Variants in ANK2 observed in about 807,000 individuals in gnomAD.
ANK2 encodes the protein ankyrin 2, also known as ankyrin-2.
ANK2 carries 83 observed loss-of-function variants against 360.5 expected under a neutral mutation model. The observed-to-expected ratio is 0.23, with a 90% CI of 0.19 to 0.28. The LOEUF (loss-of-function observed/expected upper bound fraction) is 0.28. Among genes scored for constraint, ANK2 ranks in the 10% least tolerant of loss-of-function variants. The pLI is 1.00. For missense variants in ANK2, 4,201 were observed against 4,795.7 expected (o/e 0.88, Z 3.66); for synonymous variants, 1,740 against 1,759.5 (o/e 0.99, Z 0.28).
chr4:113,338,950 C>T (rs1336969750), intron 31 of ANK2, among the ~76,000 whole-genome samples: 1 of 152,072 alleles, frequency 6.6e-6, no homozygotes, highest in African/African-American at 2.4e-5. Context: ...CAGAGCCTTG[C>T]AATTATAATA....
intron 2 of ANK2, among the ~76,000 whole-genome samples, chr4:113,002,131 G>A (rs1219696636): frequency 6.6e-6 from 1 of 152,030 alleles, no homozygotes; most frequent in Admixed American, 6.6e-5. Flanking sequence ...CCACTAACTC[G>A]TCATCTAGCA....
intron 2 of ANK2, among the ~76,000 whole-genome samples, chr4:112,978,956 T>A (rs750363645): frequency 5.3e-5 from 8 of 152,242 alleles, no homozygotes; most frequent in Non-Finnish European, 1.2e-4. Context: ...TTGAGTAGAT[T>A]ATTTCTCTGG....
intron 3 of ANK2, among the ~76,000 whole-genome samples, chr4:113,197,604 T>C (rs114358392): frequency 0.014 from 2,143 of 152,192 alleles, 55 homozygotes; most frequent in African/African-American, 0.049. Flanking sequence ...AGTACAAGAA[T>C]AAATTAAAAA....
intron 4 of ANK2, among the ~76,000 whole-genome samples, chr4:113,222,362 A>G (rs1327819245): frequency 6.6e-6 from 1 of 151,654 alleles, no homozygotes; most frequent in Non-Finnish European, 1.5e-5. Context: ...TCCAATTGCT[A>G]GATAAAAGTA....
At chr4:112,922,205 G>C (rs946327182) in intron 2 of ANK2, among the ~76,000 whole-genome samples, 13 of 152,132 alleles carry the variant, frequency 8.5e-5, no homozygotes, top group Non-Finnish European at 1.6e-4. Flanking sequence ...AGGACAGAAA[G>C]CATTTTTTGA....
chr4:113,011,593 T>C (rs1340202259), intron 2 of ANK2, among the ~76,000 whole-genome samples: 2 of 152,170 alleles, frequency 1.3e-5, no homozygotes, highest in African/African-American at 4.8e-5. Context: ...AGATAAGGGA[T>C]AGTTTAACAA....
the ANK2 span, among the ~76,000 whole-genome samples, chr4:112,801,127 A>G: frequency 4.6e-5 from 7 of 152,218 alleles, no homozygotes; most frequent in Non-Finnish European, 7.3e-5. Flanking sequence ...TGAGGAGGGC[A>G]TACATTGACA....
intron 2 of ANK2, among the ~76,000 whole-genome samples, chr4:113,179,672 A>G (rs1218361177): frequency 6.6e-6 from 1 of 152,212 alleles, no homozygotes; most frequent in Non-Finnish European, 1.5e-5. Flanking sequence ...TTAGCGTTCA[A>G]TTTATTTCTG....
At position 112,905,232 on chromosome 4, in the gene ANK2, A is replaced by G. The variant is rs78187725; in HGVS notation, c.21+718A>G. On this transcript the variant is annotated intron_variant, in intron 2 of 30. Coordinates refer to the ANK2 transcript ENST00000503271. ...TACAGAGGAAACAATTACATGGTGA[A>G]CTATTAGATGAGTTGTATGACACCA... Among the ~76,000 whole-genome samples the G allele has an allele frequency of 5.1e-3, 772 of 152,322 alleles. 8 individuals are homozygous for G. Among genetic ancestry groups the G allele is most frequent in the African/African-American group, 0.017 (720 of 41,568 alleles).
rs59081300 is a variant in ANK2, at chr4:113,109,544, G to A, written c.84+59732G>A. 3.2e-3 allele frequency among the ~76,000 whole-genome samples: 494 copies of A among 152,258 alleles called. 7 individuals are homozygous for A. The highest frequency in any genetic ancestry group is 0.011 in the African/African-American group (474 of 41,570). ...TGTGAAGAGGGCTCCCTATTGGACT[G>A]TGCACCTTGTGTGGACATTGACCTT... On this transcript the variant is annotated intron_variant, in intron 1 of 45. Coordinates refer to ENST00000357077, the MANE Select transcript of ANK2 (RefSeq NM_001148.6).
chr4:113,350,086 A>T (rs1164788579), intron 36 of ANK2, 142 bp from the exon 37 acceptor site: 1 of 697,642 alleles, frequency 1.4e-6, no homozygotes, highest in African/African-American at 1.8e-5. Flanking sequence ...TCAGGAAAAA[A>T]TGTAGCAAAT....
In ANK2 at chr4:113,358,045, C is replaced by T. The variant is rs776074680; in HGVS notation, c.9427C>T (p.Leu3143Phe). The part of the protein sequence containing the change: ...QIGQESREET[L>F]SEDVKEGATG... The stretch of plus-strand genomic sequence containing the variant: ...TGGTCAAGAATCCAGGGAAGAGACT[C>T]TCTCTGAAGATGTGAAAGAAGGGGC... Residue 3143 changes from leucine (L) to phenylalanine (F), a missense_variant, in exon 38 of 46, where the codon CTC (leucine) becomes TTC (phenylalanine). This residue lies in a region of ANK2 where 2,642 missense variants were observed against 2,714.5 expected (regional missense o/e 0.97). Transcript: ENST00000357077. 1.9e-6 allele frequency: 3 copies of T among 1,614,032 alleles called. No homozygotes were observed. The South Asian group carries it at 3.3e-5, about 18-fold the overall frequency.
intron 2 of ANK2, among the ~76,000 whole-genome samples, chr4:112,991,619 C>CTTTTTTTTTTTTTT (rs35505334): frequency 6.4e-5 from 8 of 125,852 alleles, no homozygotes; most frequent in South Asian, 2.5e-4. Context: ...TTCTTTCTTT[C>CTTTTTTTTTTTTTT]TTTTTTTTTT....
chr4:113,237,224 C>G, intron 6 of ANK2, 52 bp downstream of exon 6: 1 of 1,561,564 alleles, frequency 6.4e-7, no homozygotes, highest in Admixed American at 1.7e-5. Context: ...CTGCCAGACT[C>G]CTCCTGGGGG....
chr4:113,367,417 T>A (rs1445234320), intron 41 of ANK2, 149 bp from the exon 42 acceptor site: 2 of 735,898 alleles, frequency 2.7e-6, no homozygotes, highest in Non-Finnish European at 4.5e-6. Context: ...GGACACAGTG[T>A]CTTCTTCATC....
intron 2 of ANK2, among the ~76,000 whole-genome samples, chr4:112,924,654 C>CT (rs992013589): frequency 1.6e-4 from 25 of 151,896 alleles, no homozygotes; most frequent in African/African-American, 5.8e-4. Context: ...AAAAAGTCCA[C>CT]TACCAATAAT....
intron 1 of ANK2, among the ~76,000 whole-genome samples, chr4:112,858,364 T>G (rs1471384570): frequency 6.6e-6 from 1 of 152,212 alleles, no homozygotes; most frequent in African/African-American, 2.4e-5. Context: ...AAGGTGCTTT[T>G]TATACGTTAC....
rs2073467101 is a variant in ANK2 at position 113,061,675 on chromosome 4, AC to A, written c.84+11865del. On this transcript the variant is annotated intron_variant, in intron 1 of 45. Coordinates refer to ENST00000357077, the MANE Select transcript of ANK2 (RefSeq NM_001148.6). ...TTTTTAAAAAAGATAAACTGCCATA[AC>A]CATACTCCAATTTATATTTGCCTGG... 2.0e-5 allele frequency among the ~76,000 whole-genome samples: 3 copies of A among 152,272 alleles called. No homozygotes were observed. The South Asian group carries it at 6.2e-4, about 32-fold the overall frequency.
At chr4:112,706,291 C>G in the ANK2 span, among the ~76,000 whole-genome samples, 2 of 152,136 alleles carry the variant, frequency 1.3e-5, no homozygotes, top group African/African-American at 2.4e-5. Context: ...GGACCTCAAC[C>G]CCAATGCGGC....
Sources: allele counts gnomAD v4.1 joint callset (sites outside exome capture counted in the v4.1 genomes callset), GRCh38; gene constraint gnomAD v4.1.1; regional missense constraint gnomAD v4.1.1; transcripts MANE v1.5; gene names NCBI Gene and HGNC (gene_info 2026-07-23, HGNC 2026-07-21).